NR5A1: variants seen among roughly 807,000 people sequenced by gnomAD.
NR5A1 encodes steroidogenic factor 1.
Under a neutral mutation model 42.7 loss-of-function variants are expected in NR5A1, and 6 were observed. The observed-to-expected ratio is 0.14, with a 90% confidence interval of 0.08 to 0.28. The LOEUF is 0.28. Ranked by LOEUF, NR5A1 falls within the 10% of genes least tolerant of loss-of-function variation. The probability of loss-of-function intolerance (pLI) is 1.00; values close to 1 mark genes in which losing one functional copy is unlikely to be tolerated. For synonymous variants in NR5A1, 274 were observed against 277.5 expected (o/e 0.99, Z 0.12); for missense variants, 442 against 626.4 (o/e 0.71, Z 3.14).
At chr9:124,491,253 G>T (rs1832303202) in intron 5 of NR5A1, 25 bp from the exon 6 acceptor site, 1 of 1,577,144 alleles carries the variant, frequency 6.3e-7, no homozygotes, top group South Asian at 1.1e-5. Flanking sequence ...CACGGGGCGG[G>T]GGACAGTCAG....
chr9:124,481,573 G>A lies in NR5A1; in HGVS notation c.*1185C>T, dbSNP rs927127359. 6.6e-6 allele frequency: 1 copy of A among 152,402 alleles called. No individual in the cohort carries two copies. Among genetic ancestry groups the A allele is most frequent in the Non-Finnish European group, 1.5e-5 (1 of 68,212 alleles). The allele number at this position is 152,402 out of a possible 1,614,324, so 9.4% of individuals were successfully genotyped here. A position where few individuals can be genotyped will look rare whatever the true frequency, so the allele number is the denominator to read the frequency against. ...ATGACCTAGGACAGGGGGTCAGGGA[G>A]CTGAGGGCCAGCTTCATGGGTTTGC... is the stretch of plus-strand genomic sequence containing the variant. On this transcript the variant is annotated 3_prime_UTR_variant, in exon 7 of 7. Coordinates refer to ENST00000373588, the MANE Select transcript of NR5A1 (RefSeq NM_004959.5).
Position 124,482,255 on chromosome 9 carries a change from A to T in NR5A1, c.*503T>A, listed in dbSNP as rs1380667716. On this transcript the variant is annotated 3_prime_UTR_variant, in exon 7 of 7. Coordinates refer to ENST00000373588, the MANE Select transcript of NR5A1 (RefSeq NM_004959.5). ...CAATTTAGCAAACTCGGTTATCCTT[A>T]GTTTACAAAACAGAGGCTCTCCCTC... is the stretch of plus-strand genomic sequence containing the variant. 1 of 208,334 alleles carries T rather than the reference A, an allele frequency of 4.8e-6. No individual in the cohort carries two copies. The highest frequency in any genetic ancestry group is 2.3e-5 in the African/African-American group (1 of 43,066). 12.9% of individuals were successfully genotyped at this position (208,334 alleles called of 1,614,324 possible). A position where few individuals can be genotyped will look rare whatever the true frequency, so the allele number is the denominator to read the frequency against.
At chr9:124,492,697 C>A (rs1832333849) in intron 5 of NR5A1, among the ~76,000 whole-genome samples, 1 of 152,134 alleles carries the variant, frequency 6.6e-6, no homozygotes, top group South Asian at 2.1e-4. Context: ...CCCCCTCATC[C>A]CTCATTCCCC....
intron 1 of NR5A1, among the ~76,000 whole-genome samples, chr9:124,504,825 A>G (rs978487771): frequency 6.9e-6 from 1 of 145,728 alleles, no homozygotes; most frequent in African/African-American, 2.5e-5. Context: ...GGGGACGGGG[A>G]GGCGGGGGCG....
chr9:124,494,912 C>T (rs1366363474), intron 4 of NR5A1, among the ~76,000 whole-genome samples: 1 of 152,220 alleles, frequency 6.6e-6, no homozygotes, highest in Non-Finnish European at 1.5e-5. Context: ...TGGGCCAAGC[C>T]TAATGAACAG....
intron 1 of NR5A1, among the ~76,000 whole-genome samples, chr9:124,506,709 G>A (rs1229166443): frequency 6.6e-6 from 1 of 152,120 alleles, no homozygotes; most frequent in African/African-American, 2.4e-5. Context: ...TCCAGGCTCC[G>A]AGGCACCCAC....
At position 124,485,248 on chromosome 9, in the gene NR5A1, G is replaced by A. The variant is rs185225499; in HGVS notation, c.1139-2243C>T. Among the ~76,000 whole-genome samples, 4 of 152,214 alleles carry A rather than the reference G, an allele frequency of 2.6e-5. No individual in the cohort carries two copies. In the East Asian group the frequency reaches 7.7e-4, roughly 29 times the overall value. ...CAAATTCTAGCCTGGCCTTGCCTGG[G>A]ATGGGGTGACCAGTGGCTCAGAAAA... is the stretch of plus-strand genomic sequence containing the variant. On this transcript the variant is annotated intron_variant, in intron 6 of 6. Coordinates refer to ENST00000373588, the MANE Select transcript of NR5A1 (RefSeq NM_004959.5).
chr9:124,492,997 G>A (rs756060408), intron 5 of NR5A1, 33 bp downstream of exon 5: 18 of 1,548,180 alleles, frequency 1.2e-5, no homozygotes, highest in Admixed American at 9.3e-5. Context: ...GGGCCAGGGC[G>A]GGGCCCAGGG....
chr9:124,499,896 A>G (rs574949049), intron 4 of NR5A1, among the ~76,000 whole-genome samples, 194 bp downstream of exon 4: 15 of 152,132 alleles, frequency 9.9e-5, no homozygotes, highest in African/African-American at 2.7e-4. Flanking sequence ...AGAGAAGGAG[A>G]GGGAGGGAGC....
chr9:124,484,230 A>C (rs1832174104), intron 6 of NR5A1, among the ~76,000 whole-genome samples: 1 of 152,224 alleles, frequency 6.6e-6, no homozygotes, highest in South Asian at 2.1e-4. Context: ...CGTAAAGTCA[A>C]AAAATCCTAA....
chr9:124,487,018 C>T (rs2131273144), intron 6 of NR5A1, among the ~76,000 whole-genome samples: 1 of 152,330 alleles, frequency 6.6e-6, no homozygotes, highest in South Asian at 2.1e-4. Context: ...GGGCCCTGGG[C>T]GCCCGAAGGT....
chr9:124,487,104 C>T (rs1253851166), intron 6 of NR5A1, among the ~76,000 whole-genome samples: 1 of 152,286 alleles, frequency 6.6e-6, no homozygotes, highest in East Asian at 1.9e-4. Context: ...AGGTGGAGGT[C>T]GGAGGGAGCT....
In NR5A1 at chr9:124,481,630, G is replaced by A. The variant is rs980826917; in HGVS notation, c.*1128C>T. On this transcript the variant is annotated 3_prime_UTR_variant, in exon 7 of 7. Transcript: ENST00000373588. ...GGACCCAACGGGTTGGAGCCACAGA[G>A]AGGGGATCAACAGCGCTATCCCTGA... 6.6e-6 allele frequency: 1 copy of A among 152,324 alleles called. No individual in the cohort carries two copies. The highest frequency in any genetic ancestry group is 2.4e-5 in the African/African-American group (1 of 41,452). The allele number at this position is 152,324 out of a possible 1,614,324, so 9.4% of individuals were successfully genotyped here.
rs548450556 is a variant in NR5A1, at chr9:124,501,306, G to A, written c.245-591C>T. On this transcript the variant is annotated intron_variant, in intron 3 of 6. Transcript: ENST00000373588. The surrounding 1 kb of genome is among the most constrained non-coding windows in gnomAD (Gnocchi z 4.1). ...CTGTTTGTTGACTGACTGCCTGACTGTTGAGCTCCTGCTTCAAAATGACTC... is the reference window on the plus strand; with the variant it reads ...CTGTTTGTTGACTGACTGCCTGACTATTGAGCTCCTGCTTCAAAATGACTC... 3.3e-5 allele frequency among the ~76,000 whole-genome samples: 5 copies of A among 152,328 alleles called. No homozygotes were observed. The South Asian group carries it at 8.3e-4, about 25-fold the overall frequency.
In NR5A1 at chr9:124,500,065, C is replaced by T. The variant is rs1264651625; in HGVS notation, c.870+25G>A. On this transcript the variant is annotated intron_variant, in intron 4 of 6. Coordinates refer to ENST00000373588, the MANE Select transcript of NR5A1 (RefSeq NM_004959.5). The surrounding 1 kb of genome is among the most constrained non-coding windows in gnomAD (Gnocchi z 6.9). ...AGCCGGGAGGACCATGATGCAGGGC[C>T]AGCCGGGCGGGAGGAGAGACTCACC... 3.7e-6 allele frequency: 6 copies of T among 1,612,932 alleles called. No individual in the cohort carries two copies. The highest frequency in any genetic ancestry group is 5.1e-6 in the Non-Finnish European group (6 of 1,180,042).
chr9:124,493,293 G>T, intron 4 of NR5A1, 144 bp from the exon 5 acceptor site: 1 of 1,130,044 alleles, frequency 8.8e-7, no homozygotes, highest in Non-Finnish European at 1.2e-6. Context: ...CAGATGTCTA[G>T]GCTATCAAAG....
chr9:124,500,230 T>C lies in NR5A1; in HGVS notation c.730A>G (p.Ile244Val). Residue 244 changes from isoleucine to valine, a missense_variant, in exon 4 of 7, where the codon ATC (isoleucine) becomes GTC (valine). Physicochemically the swap from Ile to Val is conservative, Grantham distance 29. Around this residue, in one of 3 missense-constraint regions of NR5A1, gnomAD observed 208 missense variants for 203.8 expected, o/e 1.02. Coordinates refer to ENST00000373588, the MANE Select transcript of NR5A1 (RefSeq NM_004959.5). This position sits in a 1 kb window ranked among gnomAD's most constrained non-coding sequence, Gnocchi z 6.9. ...GTGGGCTCCTGCAGGCAGCCCAAGATGCGGGCCCGCACCTGGTCCTCATCC... is the reference window on the plus strand; with the variant it reads ...GTGGGCTCCTGCAGGCAGCCCAAGACGCGGGCCCGCACCTGGTCCTCATCC... ...EPDEDQVRAR[I>V]LGCLQEPTKS... 1 of 1,607,232 alleles carries C rather than the reference T, an allele frequency of 6.2e-7. No homozygotes were observed. Among genetic ancestry groups the C allele is most frequent in the East Asian group, 2.2e-5 (1 of 44,648 alleles).
At chr9:124,485,741 C>T (rs1006757251) in intron 6 of NR5A1, among the ~76,000 whole-genome samples, 4 of 152,230 alleles carry the variant, frequency 2.6e-5, no homozygotes, top group Non-Finnish European at 2.9e-5. Context: ...CTGTATGGAA[C>T]AGCCCTACTC....
rs763130061 is a variant in NR5A1, at chr9:124,482,737, G to A, written c.*21C>T. On this transcript the variant is annotated 3_prime_UTR_variant, in exon 7 of 7. Transcript: ENST00000373588. ...CGCCCCCAGTCCCGCCCCCAGTCCC[G>A]GCCCCGCCCCCGGCCCAGGCTCAAG... The A allele has an allele frequency of 7.6e-5, 30 of 392,344 alleles. 1 individual carries two copies. Among genetic ancestry groups the A allele is most frequent in the Middle Eastern group, 1.8e-3 (2 of 1,092 alleles). 24.3% of individuals were successfully genotyped at this position (392,344 alleles called of 1,614,324 possible).
Sources: allele counts gnomAD v4.1 joint callset (sites outside exome capture counted in the v4.1 genomes callset), GRCh38; gene constraint gnomAD v4.1.1; regional missense constraint gnomAD v4.1.1; non-coding constraint Gnocchi (gnomAD v3.1); transcripts MANE v1.5; gene names NCBI Gene and HGNC (gene_info 2026-07-23, HGNC 2026-07-21).